Variants in TNRC6B observed in about 807,000 individuals in gnomAD.
The protein encoded by TNRC6B is trinucleotide repeat containing adaptor 6B.
TNRC6B carries 52 observed loss-of-function variants against 203.6 expected under a neutral mutation model. The observed-to-expected ratio is 0.26, with a 90% CI of 0.20 to 0.32. The LOEUF (loss-of-function observed/expected upper bound fraction) is 0.32, where lower values mean the gene tolerates loss of function less well. Ranked by LOEUF, TNRC6B falls within the 10% of genes least tolerant of loss-of-function variation. TNRC6B has a pLI of 1.00. For missense variants in TNRC6B, 1,923 were observed against 2,286.2 expected (o/e 0.84, Z 3.24); for synonymous variants, 838 against 845.7 (o/e 0.99, Z 0.16).
At chr22:40,135,129 C>A (rs554211484) in intron 3 of TNRC6B, among the ~76,000 whole-genome samples, 2 of 152,204 alleles carry the variant, frequency 1.3e-5, no homozygotes, top group African/African-American at 4.8e-5. Flanking sequence ...GGGTTTCTCA[C>A]AGCATGGTGG....
At chr22:40,100,495 C>T (rs925953726) in intron 1 of TNRC6B, among the ~76,000 whole-genome samples, 1 of 152,114 alleles carries the variant, frequency 6.6e-6, no homozygotes, top group East Asian at 1.9e-4. Flanking sequence ...CCTCCTGCCC[C>T]AGCCTCCTTA....
At chr22:40,216,459 A>G (rs527346770) in intron 1 of TNRC6B, among the ~76,000 whole-genome samples, 5 of 152,192 alleles carry the variant, frequency 3.3e-5, no homozygotes, top group Admixed American at 6.5e-5. Flanking sequence ...TATGCTCGAT[A>G]AATATTTGTT....
chr22:40,128,281 C>T (rs568496684), intron 3 of TNRC6B, among the ~76,000 whole-genome samples: 6 of 152,100 alleles, frequency 3.9e-5, no homozygotes, highest in South Asian at 4.2e-4. Flanking sequence ...TCTCCTCCTC[C>T]GAGGGTGTAA....
At chr22:40,241,292 GGT>G (rs2070025226) in intron 1 of TNRC6B, among the ~76,000 whole-genome samples, 1 of 152,070 alleles carries the variant, frequency 6.6e-6, no homozygotes, top group South Asian at 2.1e-4. Flanking sequence ...AGAACATTCT[GGT>G]GTAAAACCAC....
At chr22:40,187,646 G>A (rs149307500) in intron 1 of TNRC6B, among the ~76,000 whole-genome samples, 31 of 152,268 alleles carry the variant, frequency 2.0e-4, no homozygotes, top group African/African-American at 7.0e-4. Flanking sequence ...CAGCGTCCCT[G>A]TGTGGTGGAG....
rs56029573 is a variant in TNRC6B at position 40,189,498 on chromosome 22, CAAAAAAA to C, written c.5+11369_5+11375del. Among the ~76,000 whole-genome samples the C allele has an allele frequency of 3.4e-3, 384 of 112,284 alleles. 2 individuals carry two copies. Among genetic ancestry groups the C allele is most frequent in the African/African-American group, 9.5e-3 (335 of 35,192 alleles). The allele number at this position is 112,284 out of a possible 152,430, so 73.7% of individuals were successfully genotyped here. On this transcript the variant is annotated intron_variant, in intron 1 of 22. Transcript: ENST00000454349. ...TGGGGTACTAATAGATTTGTCTGCCCAAAAAAAAAAAAAAAAAGAGGTTTCTTTCCTA... is the reference window on the plus strand; with the variant it reads ...TGGGGTACTAATAGATTTGTCTGCCCAAAAAAAAAAGAGGTTTCTTTCCTA...
In TNRC6B at chr22:40,090,237, G is replaced by A. The variant is rs112191627; in HGVS notation, c.-120-26818G>A. On this transcript the variant is annotated intron_variant, in intron 1 of 23. Transcript: ENST00000301923. The stretch of plus-strand genomic sequence containing the variant: ...GGATTGAATGGTAAGAGTAAGTTTA[G>A]TTTTGTGAGAAACTACCAAACTTGT... Among the ~76,000 whole-genome samples, 180 of 152,286 alleles carry A rather than the reference G, an allele frequency of 1.2e-3. 1 individual carries two copies. The highest frequency in any genetic ancestry group is 1.9e-3 in the Non-Finnish European group (129 of 68,028).
chr22:40,243,093 TCTC>T (rs897451243), intron 1 of TNRC6B, among the ~76,000 whole-genome samples: 14 of 151,786 alleles, frequency 9.2e-5, no homozygotes, highest in African/African-American at 3.4e-4. Flanking sequence ...ATGGTCTAGA[TCTC>T]CTGCCCTCGC....
intron 2 of TNRC6B, among the ~76,000 whole-genome samples, chr22:40,249,545 C>T (rs573447912): frequency 8.5e-5 from 13 of 152,292 alleles, no homozygotes; most frequent in African/African-American, 3.1e-4. Flanking sequence ...AGAACACATG[C>T]TTTGATCATC....
At chr22:40,218,365 C>A (rs1388773057) in intron 1 of TNRC6B, among the ~76,000 whole-genome samples, 4 of 114,554 alleles carry the variant, frequency 3.5e-5, no homozygotes, top group Non-Finnish European at 6.6e-5. Flanking sequence ...GTTACTCTGT[C>A]ACTCAGGCTG....
chr22:40,167,426 A>G (rs1162113056), intron 4 of TNRC6B, among the ~76,000 whole-genome samples: 2 of 152,090 alleles, frequency 1.3e-5, no homozygotes, highest in African/African-American at 4.8e-5. Flanking sequence ...GGGCTGAGGA[A>G]AGGGGAAAAG....
In TNRC6B at chr22:40,141,729, A is replaced by T. The variant is rs989412270; in HGVS notation, c.46-14386A>T. Among the ~76,000 whole-genome samples, 12 of 152,058 alleles carry T rather than the reference A, an allele frequency of 7.9e-5. No homozygotes were observed. The South Asian group carries it at 2.5e-3, about 32-fold the overall frequency. On this transcript the variant is annotated intron_variant, in intron 3 of 23. Transcript: ENST00000301923. ...CCTGGGGTGCTTGTAAAGAAAATAGAGATCCCAGGTCCCAGCTGTTTTTTT... is the reference window on the plus strand; with the variant it reads ...CCTGGGGTGCTTGTAAAGAAAATAGTGATCCCAGGTCCCAGCTGTTTTTTT...
intron 1 of TNRC6B, among the ~76,000 whole-genome samples, chr22:40,233,441 G>T (rs57124092): frequency 0.11 from 17,035 of 151,922 alleles, 1,033 homozygotes; most frequent in South Asian, 0.15. Context: ...GGCCAACATG[G>T]CAAAACCCCG....
chr22:40,199,944 A>T (rs992006644), intron 1 of TNRC6B, among the ~76,000 whole-genome samples: 1 of 152,030 alleles, frequency 6.6e-6, no homozygotes, highest in African/African-American at 2.4e-5. Flanking sequence ...GGATTAAGGC[A>T]TGTGCCACCA....
intron 3 of TNRC6B, among the ~76,000 whole-genome samples, chr22:40,154,656 C>T (rs1273656274): frequency 2.7e-5 from 4 of 149,546 alleles, no homozygotes; most frequent in African/African-American, 4.9e-5. Context: ...CCGGCTGACA[C>T]GGTGAAACCC....
At chr22:40,315,648 C>T (rs2071247158) in intron 20 of TNRC6B, 141 bp downstream of exon 20, 3 of 933,050 alleles carry the variant, frequency 3.2e-6, no homozygotes, top group Non-Finnish European at 4.7e-6. Flanking sequence ...GGAAAAGGTA[C>T]CTCTTGAGTG....
intron 1 of TNRC6B, among the ~76,000 whole-genome samples, chr22:40,085,275 T>A (rs757339897): frequency 2.6e-5 from 4 of 152,078 alleles, no homozygotes; most frequent in Admixed American, 6.6e-5. Context: ...AGGACTTTTT[T>A]AAAAAAAACT....
At chr22:40,307,822 C>T (rs916579995) in intron 15 of TNRC6B, among the ~76,000 whole-genome samples, 1 of 152,134 alleles carries the variant, frequency 6.6e-6, no homozygotes, top group Admixed American at 6.6e-5. Flanking sequence ...AAAATACATA[C>T]TAGTTATCCT....
In TNRC6B at chr22:40,325,907, G is replaced by A. The variant is rs1006433673; in HGVS notation, c.*2666G>A. The A allele has an allele frequency of 6.6e-6, 1 of 152,468 alleles. No homozygotes were observed. The allele number at this position is 152,468 out of a possible 1,614,324, so 9.4% of individuals were successfully genotyped here. A position where few individuals can be genotyped will look rare whatever the true frequency, so the allele number is the denominator to read the frequency against. On this transcript the variant is annotated 3_prime_UTR_variant, in exon 23 of 23. Transcript: ENST00000454349. Reference sequence around the variant, plus strand: ...TCCTTACGATACTACGGTGAAAGCCGGGTGCTAGAGCCCCTCTTGTTTACA... The same window carrying A: ...TCCTTACGATACTACGGTGAAAGCCAGGTGCTAGAGCCCCTCTTGTTTACA...
Sources: gnomAD v4.1 joint callset for allele counts (sites outside exome capture counted in the v4.1 genomes callset) on GRCh38, gnomAD v4.1.1 for gene constraint, MANE v1.5 for transcripts, NCBI Gene and HGNC (gene_info 2026-07-23, HGNC 2026-07-21) for gene names.